Variants in CDHR1 observed in about 807,000 individuals in gnomAD.
CDHR1 encodes cadherin related family member 1.
In CDHR1, 61 loss-of-function variants were observed where a neutral mutation model predicts 72.1. The observed-to-expected ratio is 0.85, with a 90% confidence interval of 0.69 to 1.05. The LOEUF (loss-of-function observed/expected upper bound fraction) is 1.05, where lower values mean the gene tolerates loss of function less well. Among genes scored for constraint, CDHR1 ranks in the 50% least tolerant of loss-of-function variants. The pLI is 0.00. For synonymous variants in CDHR1, 470 were observed against 448.1 expected, an observed-to-expected ratio of 1.05 and a Z score of -0.62; for missense variants, 1,186 against 1,115.7, an observed-to-expected ratio of 1.06 and a Z score of -0.90.
chr10:84,209,985 C>T (rs572205349), intron 12 of CDHR1, among the ~76,000 whole-genome samples: 271 of 152,192 alleles, frequency 1.8e-3, no homozygotes, highest in African/African-American at 6.1e-3. Context: ...TTTGGGAGGC[C>T]GAGGGGGACA....
chr10:84,205,483 T>C (rs1234128654), intron 9 of CDHR1, among the ~76,000 whole-genome samples: 1 of 150,600 alleles, frequency 6.6e-6, no homozygotes, highest in African/African-American at 2.5e-5. Flanking sequence ...CGTCTCTCAC[T>C]GTATGTCCTC....
intron 16 of CDHR1, 36 bp from the exon 17 acceptor site, chr10:84,214,046 G>C (rs1283430543): frequency 1.2e-5 from 20 of 1,613,756 alleles, no homozygotes; most frequent in Non-Finnish European, 1.5e-5. Context: ...GACCAGGTGG[G>C]AACAGCTGAG....
intron 16 of CDHR1, 113 bp downstream of exon 16, chr10:84,213,461 A>G (rs1745765560): frequency 2.1e-6 from 3 of 1,415,374 alleles, no homozygotes; most frequent in Non-Finnish European, 3.0e-6. Flanking sequence ...AAGACACTCA[A>G]CGTTATCAAA....
Position 84,204,570 on chromosome 10 carries a change from GC to G in CDHR1, c.828del (p.Lys277AsnfsTer10), listed in dbSNP as rs773999311. 1 of 1,613,842 alleles carries G rather than the reference GC, an allele frequency of 6.2e-7. No homozygotes were observed. The highest frequency in any genetic ancestry group is 8.5e-7 in the Non-Finnish European group (1 of 1,179,748). ...GTGGTCGCCATGGATGGAGACCGGG[GC>G]AAACCCAATCGAATTCTCTACAGCC... ...LKVVAMDGDR[G>X]KPNRILYSLV... On this transcript the variant is annotated frameshift_variant, in exon 9 of 17. Transcript: ENST00000623527. LOFTEE classifies it high-confidence loss of function.
At chr10:84,219,270 A>G (rs1372172785), downstream of CDHR1, 1 of 1,550,124 alleles carries the variant, frequency 6.5e-7, no homozygotes, top group Non-Finnish European at 8.7e-7. Flanking sequence ...CAGCCCAAGC[A>G]TCTTAAAAAG....
intron 1 of CDHR1, 59 bp from the exon 2 acceptor site, chr10:84,195,435 C>T (rs1842011057): frequency 6.7e-7 from 1 of 1,487,508 alleles, no homozygotes; most frequent in African/African-American, 1.4e-5. Flanking sequence ...GCGAAGCTCC[C>T]TCCTGGTGTC....
At position 84,200,600 on chromosome 10, in the gene CDHR1, G is replaced by A. The variant is rs916319156; in HGVS notation, c.439-1G>A. 2 of 1,608,222 alleles carry A rather than the reference G, an allele frequency of 1.2e-6. No individual in the cohort carries two copies. The highest frequency in any genetic ancestry group is 2.7e-5 in the African/African-American group (2 of 74,804). ...CTCCCCTGTGGCTGTGACCCCCTCA[G>A]GACATACCTGCTGGGAGCATCATCT... On this transcript the variant is annotated splice_acceptor_variant, in intron 5 of 16. Coordinates refer to ENST00000623527, the MANE Select transcript of CDHR1 (RefSeq NM_033100.4). LOFTEE classifies it high-confidence loss of function.
chr10:84,202,336 G>A (rs528134584), intron 7 of CDHR1, among the ~76,000 whole-genome samples: 2 of 152,282 alleles, frequency 1.3e-5, no homozygotes, highest in South Asian at 2.1e-4. Context: ...GCTCAACTAA[G>A]TTCCTCATAT....
Position 84,204,479 on chromosome 10 carries a change from G to A in CDHR1, c.784-48G>A, listed in dbSNP as rs777477465. The A allele has an allele frequency of 1.1e-5, 14 of 1,290,002 alleles. No individual in the cohort carries two copies. The African/African-American group carries it at 1.7e-4, about 16-fold the overall frequency. 79.9% of individuals were successfully genotyped at this position (1,290,002 alleles called of 1,614,324 possible). A position where few individuals can be genotyped will look rare whatever the true frequency, so the allele number is the denominator to read the frequency against. ...ATGGAGACATTGTTTGGGGAGGGGA[G>A]GGTCCCCATATTGCCCATCAGGCAG... On this transcript the variant is annotated intron_variant, in intron 8 of 16. Transcript: ENST00000623527.
At chr10:84,218,960 TTGTA>T (rs778194129), downstream of CDHR1, 7 of 562,780 alleles carry the variant, frequency 1.2e-5, no homozygotes, top group Non-Finnish European at 1.7e-5. Context: ...TCTGAGAACT[TTGTA>T]TGTTAAAAAA....
At chr10:84,196,151 C>G (rs1456638563) in intron 2 of CDHR1, among the ~76,000 whole-genome samples, 2 of 152,182 alleles carry the variant, frequency 1.3e-5, no homozygotes, top group Non-Finnish European at 2.9e-5. Flanking sequence ...CTTCCCTGTA[C>G]CCAGGAGCCC....
rs1040112636 is a variant in CDHR1, at chr10:84,208,961, G to C, written c.1320+80G>C. The C allele has an allele frequency of 1.1e-4, 162 of 1,446,880 alleles. No homozygotes were observed. The African/African-American group carries it at 1.8e-3, about 16-fold the overall frequency. 89.6% of individuals were successfully genotyped at this position (1,446,880 alleles called of 1,614,324 possible). A position where few individuals can be genotyped will look rare whatever the true frequency, so the allele number is the denominator to read the frequency against. ...CCAGCATCTTGGTTCATTCCTGAGG[G>C]GTCTCTTGTCACTCTCTGCCCTTCC... On this transcript the variant is annotated intron_variant, in intron 12 of 16. Coordinates refer to ENST00000623527, the MANE Select transcript of CDHR1 (RefSeq NM_033100.4).
downstream of CDHR1, chr10:84,219,567 T>C (rs937055776): frequency 1.0e-4 from 34 of 324,230 alleles, no homozygotes; most frequent in Admixed American, 2.3e-4. Context: ...ACTGTATTAG[T>C]TCGTTCTCAT....
chr10:84,200,744 G>A, intron 6 of CDHR1, 57 bp downstream of exon 6: 1 of 1,254,286 alleles, frequency 8.0e-7, no homozygotes, highest in Non-Finnish European at 1.1e-6. Context: ...ACACCTAGAT[G>A]GCCCCTACCT....
downstream of CDHR1, chr10:84,218,756 C>G (rs1842464842): frequency 2.0e-6 from 2 of 1,008,798 alleles, no homozygotes; most frequent in Non-Finnish European, 2.4e-6. Context: ...GATATTAGCC[C>G]AGATATCATG....
At chr10:84,196,145 C>T (rs1004481983) in intron 2 of CDHR1, among the ~76,000 whole-genome samples, 1 of 152,204 alleles carries the variant, frequency 6.6e-6, no homozygotes, top group Non-Finnish European at 1.5e-5. Flanking sequence ...TTTCCCCTTC[C>T]CTGTACCCAG....
chr10:84,202,493 T>C (rs187259388), intron 7 of CDHR1, among the ~76,000 whole-genome samples: 28 of 152,298 alleles, frequency 1.8e-4, no homozygotes, highest in African/African-American at 6.5e-4. Context: ...CAGCCTGGCT[T>C]ACAGGCCATC....
chr10:84,211,820 A>G, intron 14 of CDHR1, 105 bp downstream of exon 14: 4 of 998,284 alleles, frequency 4.0e-6, no homozygotes, highest in East Asian at 2.4e-5. Context: ...GAGGGACAGG[A>G]GCCTGGGTGA....
rs941774556 is a variant in CDHR1 at position 84,216,832 on chromosome 10, C to T, written c.*2211C>T. ...TAGAATTAATTGCCCACTCTCCCAC[C>T]CTACCAGTGCAGCCCGGCAAGGGCA... On this transcript the variant is annotated 3_prime_UTR_variant, in exon 17 of 17. Coordinates refer to ENST00000623527, the MANE Select transcript of CDHR1 (RefSeq NM_033100.4). 2 of 985,394 alleles carry T rather than the reference C, an allele frequency of 2.0e-6. No individual in the cohort carries two copies. Among genetic ancestry groups the T allele is most frequent in the African/African-American group, 3.5e-5 (2 of 57,250 alleles). 61.0% of individuals were successfully genotyped at this position (985,394 alleles called of 1,614,324 possible). A position where few individuals can be genotyped will look rare whatever the true frequency, so the allele number is the denominator to read the frequency against.
Sources: gnomAD v4.1 joint callset for allele counts (sites outside exome capture counted in the v4.1 genomes callset) on GRCh38, gnomAD v4.1.1 for gene constraint, MANE v1.5 for transcripts, NCBI Gene and HGNC (gene_info 2026-07-23, HGNC 2026-07-21) for gene names.